The following FAM47E variants were observed in gnomAD, a reference collection of about 807,000 sequenced individuals.
FAM47E encodes the protein family with sequence similarity 47 member E.
A neutral mutation model predicts 41.6 loss-of-function variants in FAM47E; 32 were observed. The ratio of observed to expected loss-of-function variants is 0.77; its 90% CI spans 0.58 to 1.03. The LOEUF (loss-of-function observed/expected upper bound fraction) is 1.03, where lower values mean the gene tolerates loss of function less well. FAM47E is among the 50% of genes least tolerant of loss of function. The pLI is 0.00. For synonymous variants in FAM47E, 184 were observed against 188.7 expected (o/e 0.98, Z 0.20); for missense variants, 424 against 485.4 (o/e 0.87, Z 1.19).
chr4:76,248,446 T>C (rs1262392522), upstream of FAM47E, among the ~76,000 whole-genome samples: 1 of 152,080 alleles, frequency 6.6e-6, no homozygotes, highest in Admixed American at 6.5e-5. Flanking sequence ...GTATACAGTA[T>C]AAGGGCCCAA....
At chr4:76,275,105 A>G (rs777939192) in intron 5 of FAM47E, among the ~76,000 whole-genome samples, 4 of 152,134 alleles carry the variant, frequency 2.6e-5, no homozygotes, top group African/African-American at 4.8e-5. Flanking sequence ...GTGGCAGGGT[A>G]AATCTGGTCC....
intron 6 of FAM47E, chr4:76,279,603 T>G (rs1436680531): frequency 6.6e-6 from 1 of 152,192 alleles, no homozygotes; most frequent in African/African-American, 2.4e-5. Flanking sequence ...AATCACACCT[T>G]TTTAATACCT....
Position 76,269,130 on chromosome 4 carries a change from T to A in FAM47E, c.669+362T>A, listed in dbSNP as rs1278787162. On this transcript the variant is annotated intron_variant, in intron 4 of 7. Coordinates refer to ENST00000424749, the MANE Select transcript of FAM47E (RefSeq NM_001136570.3). ...CTCATTTTTCTTAGTTAGATTTACC[T>A]AGAAGTACTCTGGCAGGTACTCCTT... 1.5e-4 allele frequency: 33 copies of A among 219,424 alleles called. No individual in the cohort carries two copies. In the Admixed American group the frequency reaches 1.9e-3, roughly 12 times the overall value. The allele number at this position is 219,424 out of a possible 1,614,324, so 13.6% of individuals were successfully genotyped here. A position where few individuals can be genotyped will look rare whatever the true frequency, so the allele number is the denominator to read the frequency against.
chr4:76,241,656 A>C (rs932751258), intron 2 of FAM47E, among the ~76,000 whole-genome samples: 1 of 152,170 alleles, frequency 6.6e-6, no homozygotes, highest in Non-Finnish European at 1.5e-5. Context: ...TAGACCCCAA[A>C]GTTTTAAAAT....
intron 2 of FAM47E, among the ~76,000 whole-genome samples, chr4:76,220,377 A>T (rs1240028436): frequency 6.6e-6 from 1 of 152,230 alleles, no homozygotes; most frequent in Non-Finnish European, 1.5e-5. Context: ...CTGTAATACC[A>T]GTATTTTGGG....
intron 4 of FAM47E, chr4:76,268,990 A>C (rs1433515200): frequency 9.6e-6 from 5 of 521,942 alleles, no homozygotes; most frequent in Non-Finnish European, 3.2e-6. Context: ...GAAAGGTTGC[A>C]AACTTGCTGC....
rs146401676 is a variant in FAM47E at position 76,277,136 on chromosome 4, G to A, written c.871-933G>A. Among the ~76,000 whole-genome samples, 18 of 152,220 alleles carry A rather than the reference G, an allele frequency of 1.2e-4. No homozygotes were observed. In the East Asian group the frequency reaches 3.5e-3, roughly 29 times the overall value. On this transcript the variant is annotated intron_variant, in intron 5 of 7. Coordinates refer to ENST00000424749, the MANE Select transcript of FAM47E (RefSeq NM_001136570.3). ...TCCTTGATGTGCTACTGAGGAATCG[G>A]GGAAAGAAGGGAATGAGATATGTTC...
chr4:76,248,844 A>G (rs2109997292), upstream of FAM47E, among the ~76,000 whole-genome samples: 2 of 152,286 alleles, frequency 1.3e-5, no homozygotes, highest in Non-Finnish European at 1.5e-5. Flanking sequence ...TATTAAATAC[A>G]GTAATCAAGT....
intron 4 of FAM47E, 41 bp downstream of exon 4, chr4:76,268,809 CT>C (rs1225180889): frequency 6.5e-7 from 1 of 1,548,222 alleles, no homozygotes; most frequent in Non-Finnish European, 8.7e-7. Flanking sequence ...TGGGTTACTA[CT>C]TTTGTAAGTT....
chr4:76,217,516 T>C, intron 1 of FAM47E: 1 of 418,712 alleles, frequency 2.4e-6, no homozygotes, highest in Non-Finnish European at 4.2e-6. Flanking sequence ...CTCCTCCTTC[T>C]CTCTCTAGCT....
At chr4:76,231,878 C>T (rs1733499612) in intron 2 of FAM47E, among the ~76,000 whole-genome samples, 1 of 152,196 alleles carries the variant, frequency 6.6e-6, no homozygotes, top group African/African-American at 2.4e-5. Flanking sequence ...GCCAGTTTCC[C>T]CACTGGGATT....
chr4:76,238,636 C>G (rs1047875075), intron 2 of FAM47E, among the ~76,000 whole-genome samples: 3 of 151,826 alleles, frequency 2.0e-5, no homozygotes, highest in Non-Finnish European at 2.9e-5. Context: ...GTTCAGATGC[C>G]CAAGATAATC....
At chr4:76,269,637 T>C (rs1308216673) in intron 4 of FAM47E, 1 of 151,080 alleles carries the variant, frequency 6.6e-6, no homozygotes, top group East Asian at 1.9e-4. Flanking sequence ...AATAAATAAA[T>C]AAATAAAAAT....
chr4:76,229,093 TG>T (rs111694219), intron 2 of FAM47E, among the ~76,000 whole-genome samples: 8 of 152,330 alleles, frequency 5.3e-5, no homozygotes, highest in African/African-American at 1.9e-4. Flanking sequence ...TTTCAAGCTC[TG>T]AAATTCTTTC....
At chr4:76,238,077 A>G (rs941893452) in intron 2 of FAM47E, among the ~76,000 whole-genome samples, 11 of 152,270 alleles carry the variant, frequency 7.2e-5, no homozygotes, top group African/African-American at 1.2e-4. Flanking sequence ...TGAGCAGGCC[A>G]GACCCGGGAG....
Position 76,280,340 on chromosome 4 carries a change from G to A in FAM47E, c.1103G>A (p.Arg368His), listed in dbSNP as rs1350154584. The change falls in exon 7 of 8, where the codon CGT (arginine) becomes CAT (histidine). Residue 368 changes from arginine (R) to histidine (H), a missense_variant and splice_region_variant. Transcript: ENST00000424749. ...FILSRGYRTPRFLENMYIGKE... is the reference protein window; with the variant it reads ...FILSRGYRTPHFLENMYIGKE... ...CTAAGCAGGGGCTACAGGACGCCAC[G>A]TGTGAGTAAAGGGTCCTTTCAGAAG... is the stretch of plus-strand genomic sequence containing the variant. 1.3e-6 allele frequency: 2 copies of A among 1,527,746 alleles called. No individual in the cohort carries two copies. The highest frequency in any genetic ancestry group is 2.0e-5 in the Admixed American group (1 of 50,168). The allele number at this position is 1,527,746 out of a possible 1,614,324, so 94.6% of individuals were successfully genotyped here.
chr4:76,259,547 A>AT (rs1734321229), intron 2 of FAM47E, among the ~76,000 whole-genome samples: 1 of 152,248 alleles, frequency 6.6e-6, no homozygotes, highest in South Asian at 2.1e-4. Context: ...CAAATGAAGT[A>AT]TTTTATAATC....
chr4:76,263,316 G>A (rs1734498078), intron 2 of FAM47E, among the ~76,000 whole-genome samples: 1 of 152,140 alleles, frequency 6.6e-6, no homozygotes, highest in Admixed American at 6.5e-5. Context: ...AATTCGTTGT[G>A]TAAAATGGCC....
intron 1 of FAM47E, among the ~76,000 whole-genome samples, chr4:76,252,192 G>T (rs1733995047): frequency 6.6e-6 from 1 of 152,136 alleles, no homozygotes; most frequent in South Asian, 2.1e-4. Flanking sequence ...CGGGGCGCCT[G>T]GAGCCCTGTA....
Sources: allele counts gnomAD v4.1 joint callset (sites outside exome capture counted in the v4.1 genomes callset), GRCh38; gene constraint gnomAD v4.1.1; transcripts MANE v1.5; gene names NCBI Gene and HGNC (gene_info 2026-07-23, HGNC 2026-07-21).